The following PTPN4 variants were observed in gnomAD, a reference collection of about 807,000 sequenced individuals.
PTPN4 encodes protein tyrosine phosphatase non-receptor type 4.
In PTPN4, 49 loss-of-function variants were observed where a neutral mutation model predicts 135.5. The ratio of observed to expected loss-of-function variants is 0.36; its 90% CI spans 0.29 to 0.46. PTPN4 has a LOEUF of 0.46. PTPN4 is among the 20% of genes least tolerant of loss of function. The pLI, the probability that PTPN4 is intolerant of heterozygous loss-of-function variation, is 1.00. For synonymous variants in PTPN4, 333 were observed against 369.9 expected (o/e 0.90, Z 1.14); for missense variants, 860 against 1,101.0 (o/e 0.78, Z 3.10).
intron 1 of PTPN4, among the ~76,000 whole-genome samples, chr2:119,779,290 G>A (rs750462494): frequency 3.9e-5 from 6 of 152,180 alleles, no homozygotes; most frequent in Non-Finnish European, 7.3e-5. Context: ...CAAAGCAGAT[G>A]GTCCAGTTGG....
At chr2:119,780,187 C>T (rs1022246379) in intron 1 of PTPN4, among the ~76,000 whole-genome samples, 1 of 152,108 alleles carries the variant, frequency 6.6e-6, no homozygotes, top group Non-Finnish European at 1.5e-5. Context: ...CTTTCTTGCT[C>T]TCTCTTTATA....
intron 2 of PTPN4, among the ~76,000 whole-genome samples, chr2:119,820,061 A>G (rs772580929): frequency 4.6e-5 from 7 of 152,008 alleles, no homozygotes; most frequent in Non-Finnish European, 1.0e-4. Context: ...AAGTCTCACT[A>G]TGTTGTTCAG....
chr2:119,796,335 T>G (rs2104939317), intron 1 of PTPN4, among the ~76,000 whole-genome samples: 1 of 152,354 alleles, frequency 6.6e-6, no homozygotes, highest in South Asian at 2.1e-4. Flanking sequence ...TGTGCCTTGA[T>G]GTAATCCCTT....
At position 119,879,481 on chromosome 2, in the gene PTPN4, G is replaced by T. The variant is rs540998810; in HGVS notation, c.368+1939G>T. On this transcript the variant is annotated intron_variant, in intron 5 of 26. Transcript: ENST00000263708. ...TTTTTGTAAATTTTACTACCATAGT[G>T]TATATCAGTGATTTTTCTACTCTGA... Among the ~76,000 whole-genome samples, 7 of 152,292 alleles carry T rather than the reference G, an allele frequency of 4.6e-5. No individual in the cohort carries two copies. The East Asian group carries it at 1.2e-3, about 25-fold the overall frequency.
chr2:119,797,133 C>A (rs942737796), intron 1 of PTPN4, among the ~76,000 whole-genome samples: 20 of 151,742 alleles, frequency 1.3e-4, no homozygotes, highest in African/African-American at 4.8e-4. Context: ...AAATTTTTTC[C>A]CAGCCTCTGG....
intron 1 of PTPN4, among the ~76,000 whole-genome samples, chr2:119,766,109 GC>G (rs1690612807): frequency 6.6e-6 from 1 of 152,136 alleles, no homozygotes; most frequent in African/African-American, 2.4e-5. Context: ...TGGGACCTGG[GC>G]ATATCAGATC....
rs138169034 is a variant in PTPN4, at chr2:119,909,059, T to G, written c.765-6120T>G. Among the ~76,000 whole-genome samples, 47 of 152,268 alleles carry G rather than the reference T, an allele frequency of 3.1e-4. 1 individual carries two copies. The East Asian group carries it at 9.1e-3, about 29-fold the overall frequency. ...GCTAGTGCAGGTTGGTTCATGAGGC[T>G]TAAGAAAAGAGGTCATCTCCATACA... is the stretch of plus-strand genomic sequence containing the variant. On this transcript the variant is annotated intron_variant, in intron 10 of 26. Coordinates refer to ENST00000263708, the MANE Select transcript of PTPN4 (RefSeq NM_002830.4).
intron 1 of PTPN4, among the ~76,000 whole-genome samples, chr2:119,792,830 G>T (rs1052065244): frequency 1.3e-5 from 2 of 152,206 alleles, no homozygotes; most frequent in African/African-American, 4.8e-5. Flanking sequence ...GTTCTGTGAT[G>T]CCCCCTGAGC....
intron 2 of PTPN4, among the ~76,000 whole-genome samples, chr2:119,826,651 A>G (rs555945184): frequency 6.6e-6 from 1 of 152,346 alleles, no homozygotes; most frequent in South Asian, 2.1e-4. Context: ...TGATCCTAAT[A>G]CAAAATATTG....
intron 1 of PTPN4, among the ~76,000 whole-genome samples, chr2:119,804,278 A>G (rs1474773063): frequency 1.3e-5 from 2 of 151,662 alleles, no homozygotes; most frequent in African/African-American, 4.8e-5. Flanking sequence ...ATGCTCAGCT[A>G]ATTTTTTTTT....
At chr2:119,921,925 C>A (rs1678742446) in intron 12 of PTPN4, among the ~76,000 whole-genome samples, 1 of 152,038 alleles carries the variant, frequency 6.6e-6, no homozygotes, top group Admixed American at 6.6e-5. Flanking sequence ...CTTTTTTCTC[C>A]TCTTTGTCCT....
intron 2 of PTPN4, among the ~76,000 whole-genome samples, chr2:119,829,891 A>G (rs1677195565): frequency 1.3e-5 from 2 of 152,192 alleles, no homozygotes; most frequent in Admixed American, 1.3e-4. Flanking sequence ...GAAACTGCCA[A>G]GCTGTTTTAC....
At chr2:119,918,371 TC>T (rs1389220786) in intron 11 of PTPN4, among the ~76,000 whole-genome samples, 2 of 152,178 alleles carry the variant, frequency 1.3e-5, no homozygotes, top group Non-Finnish European at 2.9e-5. Context: ...ACTCTGTTCA[TC>T]AAAAGATATC....
At chr2:119,866,670 AC>A (rs1677839262) in intron 3 of PTPN4, among the ~76,000 whole-genome samples, 2 of 152,058 alleles carry the variant, frequency 1.3e-5, no homozygotes, top group African/African-American at 4.8e-5. Flanking sequence ...AAGTTTATTT[AC>A]CCTTTGAAGA....
intron 2 of PTPN4, among the ~76,000 whole-genome samples, chr2:119,846,628 T>C (rs572890335): frequency 1.3e-5 from 2 of 152,204 alleles, no homozygotes; most frequent in Admixed American, 6.5e-5. Flanking sequence ...ATTATTGATA[T>C]GGTTGGATTT....
chr2:119,802,913 C>A (rs1691401369), intron 1 of PTPN4, among the ~76,000 whole-genome samples: 2 of 152,034 alleles, frequency 1.3e-5, no homozygotes, highest in South Asian at 4.1e-4. Flanking sequence ...TTTAAATTTT[C>A]TGTTTCATAT....
At chr2:119,943,586 T>TC (rs1450387818) in intron 15 of PTPN4, among the ~76,000 whole-genome samples, 2,717 of 131,052 alleles carry the variant, frequency 0.021, 41 homozygotes, top group Non-Finnish European at 0.033. Context: ...TTTTCTTTTT[T>TC]TTTTTTTTTT....
chr2:119,902,697 C>G (rs1678423805), intron 10 of PTPN4, among the ~76,000 whole-genome samples: 1 of 152,204 alleles, frequency 6.6e-6, no homozygotes, highest in South Asian at 2.1e-4. Flanking sequence ...CCAGGATCAC[C>G]TGAGAGCCAG....
At chr2:119,838,904 A>G (rs1677338059) in intron 2 of PTPN4, among the ~76,000 whole-genome samples, 1 of 152,186 alleles carries the variant, frequency 6.6e-6, no homozygotes, top group South Asian at 2.1e-4. Flanking sequence ...ATTTTGGTAT[A>G]TGTTAGAATT....
Sources: gnomAD v4.1 joint callset for allele counts (sites outside exome capture counted in the v4.1 genomes callset) on GRCh38, gnomAD v4.1.1 for gene constraint, MANE v1.5 for transcripts, NCBI Gene and HGNC (gene_info 2026-07-23, HGNC 2026-07-21) for gene names.